The following CRYBG2 variants were observed in gnomAD, a reference collection of about 807,000 sequenced individuals.
CRYBG2 encodes crystallin beta-gamma domain containing 2, also known as beta/gamma crystallin domain-containing protein 2.
Under a neutral mutation model 153.4 loss-of-function variants are expected in CRYBG2, and 106 were observed. That is an observed-to-expected ratio of 0.69 (90% CI 0.59 to 0.81). The LOEUF is 0.81. Among genes scored for constraint, CRYBG2 ranks in the 30% least tolerant of loss-of-function variants. CRYBG2 has a pLI of 0.00. For missense variants in CRYBG2, 1,996 were observed against 2,112.0 expected (o/e 0.95, Z 1.08); for synonymous variants, 851 against 877.8 (o/e 0.97, Z 0.54).
Position 26,336,482 on chromosome 1 carries a change from C to T in CRYBG2, c.4039-112G>A. On this transcript the variant is annotated intron_variant, in intron 12 of 19. Transcript: ENST00000308182. This position sits in a 1 kb window ranked among gnomAD's most constrained non-coding sequence, Gnocchi z 4.9. ...GCCGCGCCCTCGGCCCCGCCCCCTT[C>T]TAAGGCCCCGCCCCAAGCGCCCAGG... The T allele has an allele frequency of 1.3e-6, 2 of 1,548,812 alleles. No individual in the cohort carries two copies. The highest frequency in any genetic ancestry group is 1.7e-6 in the Non-Finnish European group (2 of 1,145,120).
intron 1 of CRYBG2, among the ~76,000 whole-genome samples, chr1:26,347,005 A>C (rs546600226): frequency 6.6e-6 from 1 of 152,306 alleles, no homozygotes; most frequent in Non-Finnish European, 1.5e-5. Context: ...AGAAGGCAGA[A>C]GGGAAGATGC....
At position 26,346,618 on chromosome 1, in the gene CRYBG2, G is replaced by T. The variant is rs778733110; in HGVS notation, c.40C>A (p.Arg14=). The part of the protein sequence containing the change: ...AGGPMARAKA[R]VVSATLTWRQ... ...CATGTCAATGTGGCACTTACCACTC[G>T]GGCCTTGGCCCGGGCCATGGGCCCA... Residue 14 remains arginine, a synonymous_variant, in exon 2 of 20, where the codon CGA becomes AGA. Coordinates refer to ENST00000308182, the MANE Select transcript of CRYBG2 (RefSeq NM_001039775.4). This position sits in a 1 kb window ranked among gnomAD's most constrained non-coding sequence, Gnocchi z 4.9. The T allele has an allele frequency of 2.5e-6, 4 of 1,570,216 alleles. No homozygotes were observed. The East Asian group carries it at 9.4e-5, about 37-fold the overall frequency.
chr1:26,328,620 G>T, intron 16 of CRYBG2, 114 bp downstream of exon 16: 3 of 1,437,066 alleles, frequency 2.1e-6, no homozygotes, highest in Non-Finnish European at 2.8e-6. Flanking sequence ...GGCTTGGAGG[G>T]GAGTGGGGGA....
intron 15 of CRYBG2, among the ~76,000 whole-genome samples, chr1:26,329,173 CT>C (rs35855833): frequency 1.1e-3 from 111 of 98,640 alleles, no homozygotes; most frequent in African/African-American, 3.5e-3. Context: ...TTATTCTAGG[CT>C]TTTTTTTTTT....
At position 26,325,008 on chromosome 1, in the gene CRYBG2, G is replaced by C. The variant is rs762244708; in HGVS notation, c.4579-698C>G. 1 of 152,110 alleles carries C rather than the reference G, an allele frequency of 6.6e-6. No homozygotes were observed. The highest frequency in any genetic ancestry group is 1.5e-5 in the Non-Finnish European group (1 of 68,034). 9.4% of individuals were successfully genotyped at this position (152,110 alleles called of 1,614,324 possible). On this transcript the variant is annotated intron_variant, in intron 17 of 19. Transcript: ENST00000308182. This position sits in a 1 kb window ranked among gnomAD's most constrained non-coding sequence, Gnocchi z 4.1. ...AGTCCTCAAAACTGACCCATGACAC[G>C]TGTTATCCTCATTTTAAAGATGAGG...
rs1570169805 is a variant in CRYBG2, at chr1:26,328,058, A to G, written c.4578+151T>C. The G allele has an allele frequency of 2.8e-6, 3 of 1,077,396 alleles. No homozygotes were observed. The East Asian group carries it at 8.7e-5, about 31-fold the overall frequency. 66.7% of individuals were successfully genotyped at this position (1,077,396 alleles called of 1,614,324 possible). On this transcript the variant is annotated intron_variant, in intron 17 of 19. Transcript: ENST00000308182. ...ATCTAGAGAAAAATATTAAGTAGACAATGGCTCAAGAGGAATGACGATGTG... is the reference window on the plus strand; with the variant it reads ...ATCTAGAGAAAAATATTAAGTAGACGATGGCTCAAGAGGAATGACGATGTG...
chr1:26,328,473 T>A, intron 16 of CRYBG2, 141 bp from the exon 17 acceptor site: 1 of 1,328,768 alleles, frequency 7.5e-7, no homozygotes, highest in Non-Finnish European at 1.0e-6. Context: ...GGAATAGGGT[T>A]CCCAGGGCGG....
Position 26,321,958 on chromosome 1 carries a change from G to A in CRYBG2, c.*10C>T, listed in dbSNP as rs773150434. 3 of 1,554,414 alleles carry A rather than the reference G, an allele frequency of 1.9e-6. No homozygotes were observed. The highest frequency in any genetic ancestry group is 1.2e-5 in the South Asian group (1 of 86,328). On this transcript the variant is annotated 3_prime_UTR_variant, in exon 20 of 20. Coordinates refer to ENST00000308182, the MANE Select transcript of CRYBG2 (RefSeq NM_001039775.4). ...AAAGCCTCCAGGGCTGGAGGGTGAG[G>A]GGAAAAGTTTCAAAGCACGTGGATA... is the stretch of plus-strand genomic sequence containing the variant.
Position 26,337,592 on chromosome 1 carries a change from T to G in CRYBG2, c.3590A>C (p.Asp1197Ala), listed in dbSNP as rs1327491817. The change falls in exon 9 of 20, where the codon GAC (aspartate) becomes GCC (alanine). Residue 1197 changes from aspartate to alanine, a missense_variant. Physicochemically the swap from Asp to Ala is moderately radical, Grantham distance 126. Transcript: ENST00000308182. The part of the protein sequence containing the change: ...RDIYNLQQPE[D>A]SQSPHLASVG... ...AGAGGCCAGGTGGGGGCTCTGGCTG[T>G]CCTCTGGCTGCTGAAGGTTGTAGAT... is the stretch of plus-strand genomic sequence containing the variant. 6.2e-7 allele frequency: 1 copy of G among 1,613,130 alleles called. No individual in the cohort carries two copies. Among genetic ancestry groups the G allele is most frequent in the South Asian group, 1.1e-5 (1 of 91,056 alleles).
rs746725612 is a variant in CRYBG2, at chr1:26,346,629, C to T, written c.29G>A (p.Arg10Gln). Residue 10 changes from arginine (R) to glutamine (Q), a missense_variant, in exon 2 of 20, where the codon CGG becomes CAG. Coordinates refer to ENST00000308182, the MANE Select transcript of CRYBG2 (RefSeq NM_001039775.4). This position sits in a 1 kb window ranked among gnomAD's most constrained non-coding sequence, Gnocchi z 4.9. ...GGCACTTACCACTCGGGCCTTGGCC[C>T]GGGCCATGGGCCCACCTGCCTCCTC... Reference protein sequence around the residue: MEEAGGPMARAKARVVSATL... With the variant: MEEAGGPMAQAKARVVSATL... 1.0e-5 allele frequency: 16 copies of T among 1,558,688 alleles called. No individual in the cohort carries two copies. The East Asian group carries it at 2.2e-4, about 21-fold the overall frequency.
chr1:26,339,467 G>C, intron 5 of CRYBG2, 38 bp from the exon 6 acceptor site: 1 of 1,609,740 alleles, frequency 6.2e-7, no homozygotes, highest in Non-Finnish European at 8.5e-7. Context: ...TAGATAAACA[G>C]CCAGGCGTGG....
chr1:26,322,765 T>C (rs1207020755), intron 18 of CRYBG2, among the ~76,000 whole-genome samples: 1 of 152,208 alleles, frequency 6.6e-6, no homozygotes, highest in African/African-American at 2.4e-5. Context: ...AAGAACTCAA[T>C]GCAGAGCCTG....
intron 17 of CRYBG2, among the ~76,000 whole-genome samples, chr1:26,327,663 A>G (rs1258784281): frequency 2.7e-5 from 4 of 150,356 alleles, no homozygotes; most frequent in Admixed American, 1.3e-4. Context: ...AAAAAAAAAA[A>G]GGGCTGGGCA....
Position 26,343,890 on chromosome 1 carries a change from G to C in CRYBG2, c.2768C>G (p.Pro923Arg). The change falls in exon 2 of 20, where the codon CCG becomes CGG. Residue 923 changes from proline to arginine, a missense_variant. Coordinates refer to ENST00000308182, the MANE Select transcript of CRYBG2 (RefSeq NM_001039775.4). This position sits in a 1 kb window ranked among gnomAD's most constrained non-coding sequence, Gnocchi z 4.1. ...LVPTAKEAST[P>R]EPLGTKLSAL... is the part of the protein sequence containing the mutation. Reference sequence around the variant, plus strand: ...AGATAGTTTTGTGCCCAGCGGTTCCGGGGTGGAGGCCTCCTTGGCGGTAGG... The same window carrying C: ...AGATAGTTTTGTGCCCAGCGGTTCCCGGGTGGAGGCCTCCTTGGCGGTAGG... 4.6e-6 allele frequency: 7 copies of C among 1,525,890 alleles called. No individual in the cohort carries two copies. Among genetic ancestry groups the C allele is most frequent in the Non-Finnish European group, 6.2e-6 (7 of 1,134,392 alleles). 94.5% of individuals were successfully genotyped at this position (1,525,890 alleles called of 1,614,324 possible).
At chr1:26,341,501 A>T (rs1474041994) in intron 5 of CRYBG2, among the ~76,000 whole-genome samples, 1 of 151,844 alleles carries the variant, frequency 6.6e-6, no homozygotes, top group East Asian at 1.9e-4. Context: ...AGCACATGAA[A>T]TTATAATTTT....
chr1:26,346,690 T>C lies in CRYBG2; in HGVS notation c.-33A>G. Reference sequence around the variant, plus strand: ...CCTGGCAACCTGTCTGGAGGTGTCCTTGTCCCACTGTGGTCCAGCTCCCTG... The same window carrying C: ...CCTGGCAACCTGTCTGGAGGTGTCCCTGTCCCACTGTGGTCCAGCTCCCTG... On this transcript the variant is annotated 5_prime_UTR_variant, in exon 2 of 20. Coordinates refer to ENST00000308182, the MANE Select transcript of CRYBG2 (RefSeq NM_001039775.4). This position sits in a 1 kb window ranked among gnomAD's most constrained non-coding sequence, Gnocchi z 4.9. 2 of 1,490,122 alleles carry C rather than the reference T, an allele frequency of 1.3e-6. No individual in the cohort carries two copies. The highest frequency in any genetic ancestry group is 1.3e-5 in the South Asian group (1 of 74,918). 92.3% of individuals were successfully genotyped at this position (1,490,122 alleles called of 1,614,324 possible). A position where few individuals can be genotyped will look rare whatever the true frequency, so the allele number is the denominator to read the frequency against.
chr1:26,326,760 C>G (rs557037809), intron 17 of CRYBG2: 20 of 461,474 alleles, frequency 4.3e-5, no homozygotes, highest in Non-Finnish European at 7.4e-5. Context: ...CTGTCCTGAG[C>G]CCCTCGTAAT....
Position 26,345,514 on chromosome 1 carries a change from G to C in CRYBG2, c.1144C>G (p.Arg382Gly). 1 of 1,595,272 alleles carries C rather than the reference G, an allele frequency of 6.3e-7. No individual in the cohort carries two copies. Among genetic ancestry groups the C allele is most frequent in the Non-Finnish European group, 8.6e-7 (1 of 1,169,410 alleles). Residue 382 changes from arginine (R) to glycine (G), a missense_variant, in exon 2 of 20, where the codon CGG becomes GGG. By Grantham distance (125) the Arg-to-Gly change is moderately radical (BLOSUM62 -2). Coordinates refer to ENST00000308182, the MANE Select transcript of CRYBG2 (RefSeq NM_001039775.4). ...GGGGGCAGAACAAGGGGAGTGAGCCGGGCCCCGGGGTGAGTGGGCACCACA... is the reference window on the plus strand; with the variant it reads ...GGGGGCAGAACAAGGGGAGTGAGCCCGGCCCCGGGGTGAGTGGGCACCACA... ...QPVVPTHPGARLTPLVLPPKK... is the reference protein window; with the variant it reads ...QPVVPTHPGAGLTPLVLPPKK...
intron 10 of CRYBG2, 72 bp downstream of exon 10, chr1:26,337,181 C>T: frequency 1.3e-6 from 2 of 1,595,710 alleles, no homozygotes; most frequent in Non-Finnish European, 1.7e-6. Context: ...AAATTCTTCC[C>T]TCCACAAACT....
Sources: gnomAD v4.1 joint callset for allele counts (sites outside exome capture counted in the v4.1 genomes callset) on GRCh38, gnomAD v4.1.1 for gene constraint, Gnocchi (gnomAD v3.1) non-coding constraint, MANE v1.5 for transcripts, NCBI Gene and HGNC (gene_info 2026-07-23, HGNC 2026-07-21) for gene names.